STRN: variants seen among roughly 807,000 people sequenced by gnomAD.
The protein encoded by STRN is striatin.
In STRN, 53 loss-of-function variants were observed where a neutral mutation model predicts 96.3. The ratio of observed to expected loss-of-function variants is 0.55; its 90% CI spans 0.44 to 0.69. The LOEUF is 0.69. Among genes scored for constraint, STRN ranks in the 30% least tolerant of loss-of-function variants. The pLI, the probability that STRN is intolerant of heterozygous loss-of-function variation, is 0.00. For missense variants in STRN, 987 were observed against 963.9 expected (o/e 1.02, Z -0.32); for synonymous variants, 428 against 355.9 (o/e 1.20, Z -2.28).
At chr2:36,931,293 T>C (rs1278924216) in intron 1 of STRN, among the ~76,000 whole-genome samples, 1 of 152,192 alleles carries the variant, frequency 6.6e-6, no homozygotes, top group Non-Finnish European at 1.5e-5. Context: ...TACCAATATA[T>C]TTCAGTTCAA....
chr2:36,867,977 C>A, intron 11 of STRN, 116 bp from the exon 12 acceptor site: 3 of 640,394 alleles, frequency 4.7e-6, no homozygotes, highest in African/African-American at 1.9e-5. Flanking sequence ...CCATTCTCAA[C>A]TACACGATAC....
intron 3 of STRN, among the ~76,000 whole-genome samples, chr2:36,915,232 A>AAAATAT: frequency 1.2e-5 from 1 of 86,496 alleles, no homozygotes; most frequent in Admixed American, 1.8e-4. Context: ...TGAATACATA[A>AAAATAT]ATATATATAT....
intron 1 of STRN, among the ~76,000 whole-genome samples, chr2:36,943,616 A>G (rs1670902520): frequency 6.6e-6 from 1 of 151,734 alleles, no homozygotes; most frequent in Non-Finnish European, 1.5e-5. Context: ...CATCCCGGCT[A>G]ACACAGTGAA....
At chr2:36,888,482 G>C (rs964196405) in intron 7 of STRN, among the ~76,000 whole-genome samples, 2 of 152,144 alleles carry the variant, frequency 1.3e-5, no homozygotes, top group African/African-American at 4.8e-5. Flanking sequence ...AGGCATGCCA[G>C]GGATGCTGCT....
rs1245622263 is a variant in STRN, at chr2:36,848,899, A to C, written c.*557T>G. The C allele has an allele frequency of 6.5e-6, 1 of 152,794 alleles. No homozygotes were observed. The highest frequency in any genetic ancestry group is 1.9e-4 in the East Asian group (1 of 5,202). 9.5% of individuals were successfully genotyped at this position (152,794 alleles called of 1,614,324 possible). The stretch of plus-strand genomic sequence containing the variant: ...CCCCTAACAGGTAAAATGCTTTGCC[A>C]GGTGCTTTATGTGAACAGCTGAAAG... On this transcript the variant is annotated 3_prime_UTR_variant, in exon 18 of 18. Transcript: ENST00000263918.
At chr2:36,893,643 G>C (rs1439732100) in intron 7 of STRN, among the ~76,000 whole-genome samples, 1 of 152,072 alleles carries the variant, frequency 6.6e-6, no homozygotes, top group East Asian at 1.9e-4. Context: ...ACAGAAAACA[G>C]AGAATATTCT....
At chr2:36,855,447 T>C in intron 14 of STRN, 95 bp from the exon 15 acceptor site, 1 of 1,310,014 alleles carries the variant, frequency 7.6e-7, no homozygotes, top group East Asian at 2.4e-5. Context: ...ATGGTTTCCT[T>C]AAGAAGTAAA....
chr2:36,877,158 GGA>G (rs2148163294), intron 10 of STRN, among the ~76,000 whole-genome samples: 1 of 152,284 alleles, frequency 6.6e-6, no homozygotes, highest in Non-Finnish European at 1.5e-5. Flanking sequence ...CTTAACATCT[GGA>G]AAGCACACTG....
chr2:36,918,488 A>C (rs1363716646), intron 2 of STRN, among the ~76,000 whole-genome samples: 2 of 151,994 alleles, frequency 1.3e-5, no homozygotes, highest in African/African-American at 4.8e-5. Flanking sequence ...AACATTTTCA[A>C]ACACAAAATA....
Position 36,840,583 on chromosome 2 carries a change from A to G in STRN, c.*8873T>C, listed in dbSNP as rs1242034106. On this transcript the variant is annotated 3_prime_UTR_variant, in exon 18 of 18. Coordinates refer to ENST00000263918, the MANE Select transcript of STRN (RefSeq NM_003162.4). ...GTCTTTGATGATTTGTATAATTTAG[A>G]TTTTGAAATGGGCTCTCTGATTACT... 1 of 145,766 alleles carries G rather than the reference A, an allele frequency of 6.9e-6. No homozygotes were observed. Among genetic ancestry groups the G allele is most frequent in the East Asian group, 2.0e-4 (1 of 5,038 alleles). 9.0% of individuals were successfully genotyped at this position (145,766 alleles called of 1,614,324 possible). A position where few individuals can be genotyped will look rare whatever the true frequency, so the allele number is the denominator to read the frequency against.
At chr2:36,865,663 G>C (rs1480474737) in intron 12 of STRN, among the ~76,000 whole-genome samples, 1 of 152,032 alleles carries the variant, frequency 6.6e-6, no homozygotes, top group East Asian at 1.9e-4. Context: ...CTGGGTTCAA[G>C]CAATTCTCCT....
chr2:36,929,693 C>T (rs1243094375), intron 1 of STRN, among the ~76,000 whole-genome samples: 2 of 152,078 alleles, frequency 1.3e-5, no homozygotes, highest in South Asian at 2.1e-4. Flanking sequence ...TTATTGAAGC[C>T]ATTTTAAACT....
intron 6 of STRN, among the ~76,000 whole-genome samples, 167 bp from the exon 7 acceptor site, chr2:36,894,200 T>A (rs1212043384): frequency 6.6e-6 from 1 of 152,236 alleles, no homozygotes. Flanking sequence ...ACATTATAAA[T>A]TTTAAAGCAG....
At chr2:36,916,401 T>C (rs1670100669) in intron 2 of STRN, among the ~76,000 whole-genome samples, 1 of 152,072 alleles carries the variant, frequency 6.6e-6, no homozygotes, top group South Asian at 2.1e-4. Flanking sequence ...CTCTTCTTTC[T>C]GTAATAACAA....
At chr2:36,909,256 G>T (rs1013509649) in intron 3 of STRN, among the ~76,000 whole-genome samples, 3 of 151,756 alleles carry the variant, frequency 2.0e-5, no homozygotes, top group Non-Finnish European at 2.9e-5. Flanking sequence ...TTCTTTCCAT[G>T]GTTAGTAAGC....
intron 1 of STRN, among the ~76,000 whole-genome samples, chr2:36,948,740 C>A (rs759736664): frequency 6.6e-6 from 1 of 152,132 alleles, no homozygotes. Context: ...AGGTAGCACA[C>A]CCTAATTGCC....
chr2:36,919,082 A>G (rs1256447914), intron 2 of STRN, among the ~76,000 whole-genome samples: 1 of 152,238 alleles, frequency 6.6e-6, no homozygotes, highest in Admixed American at 6.5e-5. Flanking sequence ...GTATAACAGC[A>G]TCTCAATTAT....
intron 15 of STRN, among the ~76,000 whole-genome samples, chr2:36,854,625 A>G (rs918393950): frequency 6.6e-6 from 1 of 152,218 alleles, no homozygotes; most frequent in African/African-American, 2.4e-5. Context: ...GAGTATATGT[A>G]TGTCGTATTC....
At position 36,884,072 on chromosome 2, in the gene STRN, G is replaced by A. The variant is rs775135556; in HGVS notation, c.1046C>T (p.Pro349Leu). Residue 349 changes from proline to leucine, a missense_variant, in exon 9 of 18, where the codon CCC becomes CTC. Pro to Leu is a moderately conservative substitution (Grantham distance 98). Coordinates refer to ENST00000263918, the MANE Select transcript of STRN (RefSeq NM_003162.4). ...CATATCTTGTAGTTTTGACCTATTG[G>A]GCCCTAGCCAAAAAAAGGGGGGGTG... is the stretch of plus-strand genomic sequence containing the variant. The part of the protein sequence containing the change: ...ERKGKKGVKR[P>L]NRSKLQDMLA... 1 of 1,336,494 alleles carries A rather than the reference G, an allele frequency of 7.5e-7. No individual in the cohort carries two copies. Among genetic ancestry groups the A allele is most frequent in the South Asian group, 2.7e-5 (1 of 37,296 alleles). 82.8% of individuals were successfully genotyped at this position (1,336,494 alleles called of 1,614,324 possible). A position where few individuals can be genotyped will look rare whatever the true frequency, so the allele number is the denominator to read the frequency against.
Sources: gnomAD v4.1 joint callset for allele counts (sites outside exome capture counted in the v4.1 genomes callset) on GRCh38, gnomAD v4.1.1 for gene constraint, MANE v1.5 for transcripts, NCBI Gene and HGNC (gene_info 2026-07-23, HGNC 2026-07-21) for gene names.